TBCD: variants seen among roughly 807,000 people sequenced by gnomAD.
TBCD encodes the protein tubulin-specific chaperone D.
TBCD carries 105 observed loss-of-function variants against 169.3 expected under a neutral mutation model. The observed-to-expected ratio is 0.62, with a 90% CI of 0.53 to 0.73. The LOEUF (loss-of-function observed/expected upper bound fraction) is 0.73, where lower values mean the gene tolerates loss of function less well. TBCD is among the 30% of genes least tolerant of loss of function. TBCD has a pLI of 0.00. For synonymous variants in TBCD, 700 were observed against 643.9 expected (o/e 1.09, Z -1.32); for missense variants, 1,444 against 1,600.1 (o/e 0.90, Z 1.66).
At chr17:82,756,375 G>C (rs1252563282) in intron 2 of TBCD, among the ~76,000 whole-genome samples, 160 bp downstream of exon 2, 1 of 152,202 alleles carries the variant, frequency 6.6e-6, no homozygotes, top group African/African-American at 2.4e-5. Context: ...ACCTGTGATA[G>C]TGGCTTGAGT....
At chr17:82,926,885 C>T (rs1040200141) in intron 28 of TBCD, 20 of 510,586 alleles carry the variant, frequency 3.9e-5, no homozygotes, top group South Asian at 2.1e-4. Context: ...GGGCCACGCA[C>T]GCCCCCTTCT....
At chr17:82,769,257 C>G (rs2048180933) in intron 5 of TBCD, among the ~76,000 whole-genome samples, 1 of 152,212 alleles carries the variant, frequency 6.6e-6, no homozygotes, top group Non-Finnish European at 1.5e-5. Context: ...CACCTGGGCC[C>G]CTCCAACTTA....
chr17:82,867,970 G>T (rs1276030547), intron 13 of TBCD, among the ~76,000 whole-genome samples: 5 of 152,168 alleles, frequency 3.3e-5, no homozygotes, highest in African/African-American at 1.2e-4. Context: ...CTTTGCGGGA[G>T]GGAGTCATGG....
At chr17:82,928,399 C>T (rs1431510890) in intron 30 of TBCD, among the ~76,000 whole-genome samples, 1 of 152,222 alleles carries the variant, frequency 6.6e-6, no homozygotes, top group African/African-American at 2.4e-5. Flanking sequence ...CTGAGGCTGC[C>T]ATTGGGGCCT....
At chr17:82,773,427 G>A (rs575445744) in intron 6 of TBCD, among the ~76,000 whole-genome samples, 8 of 152,248 alleles carry the variant, frequency 5.3e-5, no homozygotes, top group Non-Finnish European at 1.2e-4. Context: ...GTCTTGTCAA[G>A]GACATAAAAA....
At chr17:82,872,031 T>A in intron 14 of TBCD, among the ~76,000 whole-genome samples, 1 of 152,272 alleles carries the variant, frequency 6.6e-6, no homozygotes, top group East Asian at 1.9e-4. Context: ...TGTTCCATCT[T>A]ACCAAATACT....
At chr17:82,790,093 G>A (rs956934189) in intron 7 of TBCD, among the ~76,000 whole-genome samples, 1 of 152,154 alleles carries the variant, frequency 6.6e-6, no homozygotes, top group Non-Finnish European at 1.5e-5. Context: ...GTCCCAGCAC[G>A]TGGCTCTGTG....
intron 16 of TBCD, among the ~76,000 whole-genome samples, chr17:82,891,731 G>T (rs1033709812): frequency 2.0e-5 from 3 of 152,160 alleles, no homozygotes; most frequent in Non-Finnish European, 4.4e-5. Context: ...CAGCAGGGAT[G>T]GGGGGTGGTT....
chr17:82,850,357 C>CCTGTTGTTGGCTGTG (rs1567888704), intron 13 of TBCD, among the ~76,000 whole-genome samples: 20 of 84,034 alleles, frequency 2.4e-4, no homozygotes, highest in African/African-American at 8.9e-4. Flanking sequence ...TGTTGGCTGT[C>CCTGTTGTTGGCTGTG]CTGTTGTTGG....
intron 7 of TBCD, among the ~76,000 whole-genome samples, chr17:82,797,306 T>G (rs623209): frequency 0.41 from 62,377 of 152,102 alleles, 12,864 homozygotes; most frequent in Middle Eastern, 0.43. Flanking sequence ...GTCACCCTTC[T>G]CATTTGTTGG....
Position 82,938,121 on chromosome 17 carries a change from C to T in TBCD, c.3354C>T (p.Cys1118=), listed in dbSNP as rs1025878658. ...TCCTGCAGCTGTGTCTGCTCCTCTG[C>T]CACCGTTTCCCGCTGGTGAGTGCCT... ...QALLQLCLLL[C]HRFPLIRKTT... The change falls in exon 36 of 39, where the codon TGC becomes TGT. Residue 1118 remains cysteine (C), a synonymous_variant. Transcript: ENST00000355528. 1 of 1,612,288 alleles carries T rather than the reference C, an allele frequency of 6.2e-7. No homozygotes were observed. Among genetic ancestry groups the T allele is most frequent in the South Asian group, 1.1e-5 (1 of 90,990 alleles).
At chr17:82,855,714 C>T (rs957126597) in intron 13 of TBCD, among the ~76,000 whole-genome samples, 9 of 152,186 alleles carry the variant, frequency 5.9e-5, no homozygotes, top group Non-Finnish European at 1.5e-5. Context: ...ACAGCTATTA[C>T]TTCTGTCTAC....
At chr17:82,821,320 C>T (rs572165647) in intron 13 of TBCD, among the ~76,000 whole-genome samples, 48 of 105,216 alleles carry the variant, frequency 4.6e-4, no homozygotes, top group African/African-American at 1.7e-3. Context: ...TCTTTGTCCA[C>T]AGTTTTCTTG....
At chr17:82,845,993 C>T (rs1291759852) in intron 13 of TBCD, among the ~76,000 whole-genome samples, 4 of 152,348 alleles carry the variant, frequency 2.6e-5, no homozygotes, top group East Asian at 3.9e-4. Context: ...GATTTTGACG[C>T]GGCTGTAGGG....
intron 7 of TBCD, 140 bp from the exon 8 acceptor site, chr17:82,797,617 A>G: frequency 1.5e-6 from 1 of 660,366 alleles, no homozygotes; most frequent in Admixed American, 3.1e-5. Context: ...ATGTACAGAA[A>G]CTGTTTTCTT....
In TBCD at chr17:82,832,003, G is replaced by C. The variant is rs1237178769; in HGVS notation, c.1318+17069G>C. ...AGGCCGAGCTGCGCCTTCCAGAGCA[G>C]GCTGGGCACCGAGGGCGGCTTCCGG... is the stretch of plus-strand genomic sequence containing the variant. On this transcript the variant is annotated intron_variant, in intron 13 of 38. Coordinates refer to ENST00000355528, the MANE Select transcript of TBCD (RefSeq NM_005993.5). This position sits in a 1 kb window ranked among gnomAD's most constrained non-coding sequence, Gnocchi z 4.9. The C allele has an allele frequency of 4.3e-6, 7 of 1,612,700 alleles. No individual in the cohort carries two copies. Among genetic ancestry groups the C allele is most frequent in the East Asian group, 4.5e-5 (2 of 44,868 alleles).
At chr17:82,853,126 C>T (rs8082229) in intron 13 of TBCD, among the ~76,000 whole-genome samples, 2,910 of 152,214 alleles carry the variant, frequency 0.019, 113 homozygotes, top group African/African-American at 0.066. Flanking sequence ...GTTGCCCAGG[C>T]TGGAGTGCAG....
intron 15 of TBCD, among the ~76,000 whole-genome samples, chr17:82,886,662 TCC>T (rs2058729143): frequency 3.4e-4 from 1 of 2,920 alleles, no homozygotes; most frequent in Admixed American, 4.2e-3. Flanking sequence ...TCCCCTCCCC[TCC>T]CCTCCCCTCC....
Position 82,781,687 on chromosome 17 carries a change from G to T in TBCD, c.737G>T (p.Gly246Val), listed in dbSNP as rs1467543987. The change falls in exon 7 of 39, where the codon GGG becomes GTG. Residue 246 changes from glycine (G) to valine (V), a missense_variant. Coordinates refer to ENST00000355528, the MANE Select transcript of TBCD (RefSeq NM_005993.5). ...CGTTCCTCCTTCCAGACCATGCAGG[G>T]GGTCATCACCATGGATGGGACGCTG... is the stretch of plus-strand genomic sequence containing the variant. ...LARSSFQTMQ[G>V]VITMDGTLQA... The T allele has an allele frequency of 6.8e-6, 11 of 1,613,748 alleles. No homozygotes were observed. Among genetic ancestry groups the T allele is most frequent in the Non-Finnish European group, 9.3e-6 (11 of 1,179,890 alleles).
Sources: gnomAD v4.1 joint callset for allele counts (sites outside exome capture counted in the v4.1 genomes callset) on GRCh38, gnomAD v4.1.1 for gene constraint, Gnocchi (gnomAD v3.1) non-coding constraint, MANE v1.5 for transcripts, NCBI Gene and HGNC (gene_info 2026-07-23, HGNC 2026-07-21) for gene names.